ZNF341: variants seen among roughly 807,000 people sequenced by gnomAD.
ZNF341 encodes the protein zinc finger protein 341.
ZNF341 carries 52 observed loss-of-function variants against 87.7 expected under a neutral mutation model. The ratio of observed to expected loss-of-function variants is 0.59; its 90% CI spans 0.47 to 0.75. ZNF341 has a LOEUF of 0.75. Among genes scored for constraint, ZNF341 ranks in the 30% least tolerant of loss-of-function variants. The pLI, the probability that ZNF341 is intolerant of heterozygous loss-of-function variation, is 0.00. For synonymous variants in ZNF341, 459 were observed against 472.7 expected (o/e 0.97, Z 0.38); for missense variants, 977 against 1,145.9 (o/e 0.85, Z 2.13).
Position 33,740,887 on chromosome 20 carries a change from C to T in ZNF341, c.32-15C>T, listed in dbSNP as rs1440593867. 1.2e-6 allele frequency: 2 copies of T among 1,611,276 alleles called. No homozygotes were observed. The highest frequency in any genetic ancestry group is 1.7e-6 in the Non-Finnish European group (2 of 1,177,404). ...CTGGGCCTACCTTCCAAAGAGGCTGCACTTCTTTTTTCAGGAATGGACAAT... is the reference window on the plus strand; with the variant it reads ...CTGGGCCTACCTTCCAAAGAGGCTGTACTTCTTTTTTCAGGAATGGACAAT... On this transcript the variant is annotated splice_polypyrimidine_tract_variant and intron_variant, in intron 1 of 14. Transcript: ENST00000375200.
intron 10 of ZNF341, 46 bp downstream of exon 10, chr20:33,770,338 G>GGGC: frequency 2.0e-6 from 1 of 491,752 alleles, no homozygotes; most frequent in Non-Finnish European, 4.2e-6. Context: ...GGGTGGGTGG[G>GGGC]CAGGGAGCCC....
intron 4 of ZNF341, among the ~76,000 whole-genome samples, chr20:33,751,701 A>G (rs556147371): frequency 1.1e-4 from 17 of 152,178 alleles, no homozygotes; most frequent in African/African-American, 4.1e-4. Context: ...CAGCCTCCCA[A>G]GTAGCTGGGA....
chr20:33,772,010 T>TAAAAAAAAAAA lies in ZNF341; in HGVS notation c.1622+1733_1622+1743dup, dbSNP rs57345366. Among the ~76,000 whole-genome samples, 14 of 56,166 alleles carry TAAAAAAAAAAA rather than the reference T, an allele frequency of 2.5e-4. 2 individuals carry two copies. Among genetic ancestry groups the TAAAAAAAAAAA allele is most frequent in the African/African-American group, 7.0e-4 (9 of 12,910 alleles). 36.8% of individuals were successfully genotyped at this position (56,166 alleles called of 152,430 possible). On this transcript the variant is annotated intron_variant, in intron 10 of 14. Coordinates refer to ENST00000375200, the MANE Select transcript of ZNF341 (RefSeq NM_001282933.2). Reference sequence around the variant, plus strand: ...GCCTGAGCGACAGAGACGCTTGTCTTAAAAAAAAAAAAAAAAAAAAAAAAA... The same window carrying TAAAAAAAAAAA: ...GCCTGAGCGACAGAGACGCTTGTCTTAAAAAAAAAAAAAAAAAAAAAAAAAAAAAAAAAAAA...
intron 11 of ZNF341, among the ~76,000 whole-genome samples, chr20:33,783,270 G>A (rs1218833584): frequency 6.6e-6 from 1 of 152,162 alleles, no homozygotes; most frequent in Non-Finnish European, 1.5e-5. Context: ...CCCAGGCTCT[G>A]TGCTGGGGAG....
chr20:33,745,319 T>C lies in ZNF341; in HGVS notation c.339+20T>C, dbSNP rs1358148694. ...CGCCAGGTATTTGTTCATTTATTCATTCAACATGTCTTTTTTGAGGGCCTA... is the reference window on the plus strand; with the variant it reads ...CGCCAGGTATTTGTTCATTTATTCACTCAACATGTCTTTTTTGAGGGCCTA... On this transcript the variant is annotated intron_variant, in intron 3 of 14. Transcript: ENST00000375200. 1 of 1,605,690 alleles carries C rather than the reference T, an allele frequency of 6.2e-7. No individual in the cohort carries two copies. The highest frequency in any genetic ancestry group is 2.2e-5 in the East Asian group (1 of 44,640).
rs1458829042 is a variant in ZNF341, at chr20:33,771,443, G to A, written c.1622+1151G>A. Among the ~76,000 whole-genome samples the A allele has an allele frequency of 8.6e-5, 13 of 151,484 alleles. No homozygotes were observed. The South Asian group carries it at 2.5e-3, about 29-fold the overall frequency. ...GTATTTTTTGTAGAGACGGGGTTTC[G>A]CCATGTTGCTCAGGCTGGTCTTGAA... On this transcript the variant is annotated intron_variant, in intron 10 of 14. Transcript: ENST00000375200.
intron 5 of ZNF341, among the ~76,000 whole-genome samples, chr20:33,755,519 A>G (rs1435489383): frequency 6.7e-6 from 1 of 149,704 alleles, no homozygotes. Context: ...TATTACTCCA[A>G]CTGTAGCTTT....
intron 10 of ZNF341, among the ~76,000 whole-genome samples, chr20:33,779,031 G>GA (rs2122722100): frequency 6.6e-6 from 1 of 152,186 alleles, no homozygotes; most frequent in South Asian, 2.1e-4. Flanking sequence ...CTGCTATAAA[G>GA]AAATACCTGA....
At chr20:33,779,920 A>T (rs2019707725) in intron 10 of ZNF341, among the ~76,000 whole-genome samples, 1 of 152,178 alleles carries the variant, frequency 6.6e-6, no homozygotes, top group Admixed American at 6.5e-5. Flanking sequence ...GCAGCTTGTG[A>T]ATGGGCAAGA....
rs777675301 is a variant in ZNF341 at position 33,789,560 on chromosome 20, G to C, written c.2007G>C (p.Lys669Asn). ...GTAAGGAGTTCAACCGGCCGGACAA[G>C]CTGAAGGCCCACATCCTCTCCCACT... ...GCSKEFNRPDKLKAHILSHSG... is the reference protein window; with the variant it reads ...GCSKEFNRPDNLKAHILSHSG... Residue 669 changes from lysine to asparagine, a missense_variant, in exon 14 of 15, where the codon AAG becomes AAC. Lys to Asn is a moderately conservative substitution (Grantham distance 94, BLOSUM62 0). Around this residue, in one of 3 missense-constraint regions of ZNF341, gnomAD observed 241 missense variants for 335.0 expected, o/e 0.72. Transcript: ENST00000375200. The C allele has an allele frequency of 3.1e-6, 5 of 1,614,106 alleles. No individual in the cohort carries two copies. The highest frequency in any genetic ancestry group is 4.2e-6 in the Non-Finnish European group (5 of 1,180,020).
chr20:33,748,930 C>G lies in ZNF341; in HGVS notation c.347C>G (p.Thr116Arg), dbSNP rs368873311. The change falls in exon 4 of 15, where the codon ACA becomes AGA. Residue 116 changes from threonine (T) to arginine (R), a missense_variant. Physicochemically the swap from Thr to Arg is moderately conservative, Grantham distance 71. Transcript: ENST00000375200. The part of the protein sequence containing the change: ...APTPANRQIS[T>R]YITVPPSPLI... ...CTCTCTCCCACTGTCCAGATCTCCA[C>G]ATACATCACAGTGCCCCCGTCCCCA... 2.2e-5 allele frequency: 36 copies of G among 1,612,996 alleles called. No homozygotes were observed. The highest frequency in any genetic ancestry group is 4.0e-5 in the African/African-American group (3 of 74,902).
chr20:33,758,651 G>A, intron 6 of ZNF341, 65 bp from the exon 7 acceptor site: 1 of 1,317,724 alleles, frequency 7.6e-7, no homozygotes, highest in Non-Finnish European at 1.1e-6. Flanking sequence ...GTAGTCAGAG[G>A]CTGCCCTTGG....
intron 4 of ZNF341, among the ~76,000 whole-genome samples, chr20:33,749,791 T>C: frequency 6.6e-6 from 1 of 151,742 alleles, no homozygotes; most frequent in East Asian, 1.9e-4. Flanking sequence ...CTTGCTCTGT[T>C]GCCCAGGCTG....
intron 10 of ZNF341, among the ~76,000 whole-genome samples, chr20:33,776,240 C>T: frequency 6.6e-6 from 1 of 151,856 alleles, no homozygotes. Context: ...GCATGCACCA[C>T]CATGCCCATC....
At chr20:33,754,979 A>G (rs751051156) in intron 5 of ZNF341, among the ~76,000 whole-genome samples, 6 of 152,172 alleles carry the variant, frequency 3.9e-5, no homozygotes, top group Non-Finnish European at 7.3e-5. Context: ...GTCTCACTCT[A>G]TCGCCCAGGT....
At position 33,736,352 on chromosome 20, in the gene ZNF341, A is replaced by G. The variant is rs528860170; in HGVS notation, c.31+4300A>G. On this transcript the variant is annotated intron_variant, in intron 1 of 14. Coordinates refer to ENST00000375200, the MANE Select transcript of ZNF341 (RefSeq NM_001282933.2). ...ATCCCTACCTTGCCTTTAACCTCCA[A>G]ACTGCCCTTAGTCATCCCCGGGCTT... Among the ~76,000 whole-genome samples the G allele has an allele frequency of 6.6e-5, 10 of 152,086 alleles. No homozygotes were observed. The South Asian group carries it at 2.1e-3, about 32-fold the overall frequency.
chr20:33,752,484 C>T, intron 4 of ZNF341: 1 of 526,412 alleles, frequency 1.9e-6, no homozygotes, highest in East Asian at 4.1e-5. Context: ...CTCAGGTCAC[C>T]ACCTCATTGA....
At position 33,745,155 on chromosome 20, in the gene ZNF341, G is replaced by C. The variant is rs774208033; in HGVS notation, c.195G>C (p.Leu65=). 13 of 1,614,046 alleles carry C rather than the reference G, an allele frequency of 8.1e-6. No individual in the cohort carries two copies. In the South Asian group the frequency reaches 1.4e-4, roughly 18 times the overall value. The change falls in exon 3 of 15, where the codon CTG becomes CTC. Residue 65 remains leucine (L), a synonymous_variant. Transcript: ENST00000375200. The part of the protein sequence containing the change: ...CGKCKKQFNS[L]PAFMTHKREQ... ...AGTGTAAGAAGCAATTCAACTCGCT[G>C]CCAGCGTTTATGACCCACAAGCGGG...
chr20:33,782,805 C>G (rs2019770721), intron 11 of ZNF341, among the ~76,000 whole-genome samples: 1 of 152,146 alleles, frequency 6.6e-6, no homozygotes, highest in Non-Finnish European at 1.5e-5. Flanking sequence ...CTTCTTTTGC[C>G]TGGACTGGAA....
Sources: allele counts gnomAD v4.1 joint callset (sites outside exome capture counted in the v4.1 genomes callset), GRCh38; gene constraint gnomAD v4.1.1; regional missense constraint gnomAD v4.1.1; transcripts MANE v1.5; gene names NCBI Gene and HGNC (gene_info 2026-07-23, HGNC 2026-07-21).